The following TMEM178B variants were observed in gnomAD, a reference collection of about 807,000 sequenced individuals.
The protein encoded by TMEM178B is transmembrane protein 178B.
A neutral mutation model predicts 31.0 loss-of-function variants in TMEM178B; 5 were observed. That is an observed-to-expected ratio of 0.16 (90% CI 0.08 to 0.34). The LOEUF is 0.34. Among genes scored for constraint, TMEM178B ranks in the 10% least tolerant of loss-of-function variants. The pLI is 1.00. For missense variants in TMEM178B, 275 were observed against 400.3 expected, an observed-to-expected ratio of 0.69 and a Z score of 2.67; for synonymous variants, 164 against 164.0, an observed-to-expected ratio of 1.00 and a Z score of 0.00.
At chr7:141,418,275 G>A (rs1801136520) in intron 2 of TMEM178B, among the ~76,000 whole-genome samples, 1 of 152,056 alleles carries the variant, frequency 6.6e-6, no homozygotes, top group African/African-American at 2.4e-5. Context: ...AGTTAGGAGT[G>A]ACTTTCACTT....
At chr7:141,382,906 C>T (rs546671811) in intron 2 of TMEM178B, among the ~76,000 whole-genome samples, 4 of 152,314 alleles carry the variant, frequency 2.6e-5, no homozygotes, top group South Asian at 4.1e-4. Flanking sequence ...GCAACATTTA[C>T]CAGTGTGAAT....
intron 2 of TMEM178B, among the ~76,000 whole-genome samples, chr7:141,248,376 A>G (rs9791652): frequency 0.48 from 72,969 of 152,016 alleles, 17,910 homozygotes; most frequent in East Asian, 0.8. Flanking sequence ...GCGCCACTGC[A>G]CTCCAGCCTA....
chr7:141,482,287 T>G (rs1430255598), downstream of TMEM178B, among the ~76,000 whole-genome samples: 2 of 152,152 alleles, frequency 1.3e-5, no homozygotes, highest in Middle Eastern at 3.2e-3. Flanking sequence ...TAGAGGGCAG[T>G]CTCCTCCAGG....
At chr7:141,309,395 T>A (rs1422627675) in intron 2 of TMEM178B, among the ~76,000 whole-genome samples, 2 of 152,204 alleles carry the variant, frequency 1.3e-5, no homozygotes, top group African/African-American at 4.8e-5. Flanking sequence ...ACAAAAGTAA[T>A]ACATGTTCAT....
At chr7:141,503,138 G>A in the TMEM178B span, among the ~76,000 whole-genome samples, 442 of 152,316 alleles carry the variant, frequency 2.9e-3, 2 homozygotes, top group Non-Finnish European at 5.1e-3. Flanking sequence ...CCATGTGGAA[G>A]GTTGCCCATT....
At chr7:141,240,984 C>T (rs1437748572) in intron 2 of TMEM178B, among the ~76,000 whole-genome samples, 1 of 130,468 alleles carries the variant, frequency 7.7e-6, no homozygotes, top group African/African-American at 3.0e-5. Flanking sequence ...ATTGTCATGT[C>T]CTCTGGGATC....
At chr7:141,350,708 T>C (rs1799705114) in intron 2 of TMEM178B, among the ~76,000 whole-genome samples, 1 of 152,174 alleles carries the variant, frequency 6.6e-6, no homozygotes, top group Admixed American at 6.5e-5. Context: ...TTACAAAATA[T>C]TTCAGACAAA....
chr7:141,380,761 C>T (rs1226023488), intron 2 of TMEM178B, among the ~76,000 whole-genome samples: 1 of 152,188 alleles, frequency 6.6e-6, no homozygotes, highest in African/African-American at 2.4e-5. Flanking sequence ...ATATAGGTTA[C>T]AGTCATTCTC....
intron 1 of TMEM178B, among the ~76,000 whole-genome samples, chr7:141,135,685 T>C (rs929582495): frequency 6.6e-6 from 1 of 152,034 alleles, no homozygotes; most frequent in African/African-American, 2.4e-5. Context: ...TTGAAACAAA[T>C]GAAAATTGAA....
rs1200200925 is a variant in TMEM178B, at chr7:141,476,659, A to T, written c.*5873A>T. The T allele has an allele frequency of 1.3e-5, 2 of 152,234 alleles. No homozygotes were observed. The highest frequency in any genetic ancestry group is 3.9e-4 in the East Asian group (2 of 5,194). The allele number at this position is 152,234 out of a possible 1,614,324, so 9.4% of individuals were successfully genotyped here. A position where few individuals can be genotyped will look rare whatever the true frequency, so the allele number is the denominator to read the frequency against. ...TATAAGGAAGCCCTTTAGATGGTAC[A>T]TTCACTAAGACGTGTCTGGGTGTGA... On this transcript the variant is annotated 3_prime_UTR_variant, in exon 4 of 4. Transcript: ENST00000565468.
At chr7:141,301,655 G>A (rs143108177) in intron 2 of TMEM178B, among the ~76,000 whole-genome samples, 132 of 152,300 alleles carry the variant, frequency 8.7e-4, no homozygotes, top group African/African-American at 3.1e-3. Flanking sequence ...TTTCGTAGGT[G>A]TGTGTGAAGG....
At chr7:141,402,679 A>C (rs1800807046) in intron 2 of TMEM178B, among the ~76,000 whole-genome samples, 1 of 152,202 alleles carries the variant, frequency 6.6e-6, no homozygotes, top group South Asian at 2.1e-4. Flanking sequence ...TGACAGATGG[A>C]CTAGAAGAGA....
intron 2 of TMEM178B, among the ~76,000 whole-genome samples, chr7:141,319,239 G>C (rs1398864493): frequency 6.6e-6 from 1 of 152,200 alleles, no homozygotes; most frequent in African/African-American, 2.4e-5. Context: ...CTCATTGACA[G>C]ACTGCACAGC....
At chr7:141,418,733 T>C (rs761405177) in intron 2 of TMEM178B, among the ~76,000 whole-genome samples, 1 of 152,210 alleles carries the variant, frequency 6.6e-6, no homozygotes, top group Non-Finnish European at 1.5e-5. Context: ...ATCCTACAGC[T>C]TTAACTACGT....
At chr7:141,308,005 TGTTTTGTATAAAGCACTTTTC>T (rs1798843173) in intron 2 of TMEM178B, among the ~76,000 whole-genome samples, 1 of 152,218 alleles carries the variant, frequency 6.6e-6, no homozygotes, top group Non-Finnish European at 1.5e-5. Context: ...GTAGAGCAGA[TGTTTTGTATAAAGCACTTTTC>T]ACTTATTGTG....
chr7:141,347,341 C>T (rs1454638686), intron 2 of TMEM178B, among the ~76,000 whole-genome samples: 1 of 152,070 alleles, frequency 6.6e-6, no homozygotes, highest in East Asian at 1.9e-4. Flanking sequence ...ATATTGTATG[C>T]AGACTCTAAA....
chr7:141,165,379 G>A (rs1200196983), intron 1 of TMEM178B, among the ~76,000 whole-genome samples: 3 of 152,070 alleles, frequency 2.0e-5, no homozygotes, highest in South Asian at 2.1e-4. Flanking sequence ...GTTATCTCAC[G>A]GAATAGTCTG....
intron 1 of TMEM178B, among the ~76,000 whole-genome samples, chr7:141,176,286 A>C (rs1003460107): frequency 7.9e-5 from 12 of 152,190 alleles, no homozygotes; most frequent in Non-Finnish European, 1.6e-4. Context: ...GTTGAACCAG[A>C]CTTGCATCCC....
intron 2 of TMEM178B, among the ~76,000 whole-genome samples, chr7:141,385,191 T>C (rs546418267): frequency 4.6e-5 from 7 of 152,358 alleles, no homozygotes; most frequent in Admixed American, 3.9e-4. Flanking sequence ...ATAAATCTGA[T>C]GACACTGTTC....
Sources: gnomAD v4.1 joint callset for allele counts (sites outside exome capture counted in the v4.1 genomes callset) on GRCh38, gnomAD v4.1.1 for gene constraint, MANE v1.5 for transcripts, NCBI Gene and HGNC (gene_info 2026-07-23, HGNC 2026-07-21) for gene names.